The following CCSER1 variants were observed in gnomAD, a reference collection of about 807,000 sequenced individuals.
CCSER1 encodes the protein serine-rich coiled-coil domain-containing protein 1.
Under a neutral mutation model 82.0 loss-of-function variants are expected in CCSER1, and 41 were observed. That is an observed-to-expected ratio of 0.50 (90% CI 0.39 to 0.65). CCSER1 has a LOEUF of 0.65. Among genes scored for constraint, CCSER1 ranks in the 30% least tolerant of loss-of-function variants. The pLI is 0.00. For synonymous variants in CCSER1, 414 were observed against 383.9 expected, an observed-to-expected ratio of 1.08 and a Z score of -0.92; for missense variants, 1,119 against 1,064.2, an observed-to-expected ratio of 1.05 and a Z score of -0.72.
chr4:91,360,544 G>T (rs746266670), intron 10 of CCSER1, among the ~76,000 whole-genome samples: 5 of 151,760 alleles, frequency 3.3e-5, no homozygotes, highest in Non-Finnish European at 5.9e-5. Context: ...CAGCCTCCTA[G>T]TAAGAGACCC....
intron 10 of CCSER1, among the ~76,000 whole-genome samples, chr4:91,441,617 T>A (rs140040683): frequency 7.2e-4 from 109 of 152,144 alleles, no homozygotes; most frequent in Non-Finnish European, 1.4e-3. Flanking sequence ...GAAGTTCTGG[T>A]CAGGGCAGTT....
At chr4:91,000,466 C>T (rs898404605) in intron 9 of CCSER1, among the ~76,000 whole-genome samples, 3 of 151,942 alleles carry the variant, frequency 2.0e-5, no homozygotes, top group Non-Finnish European at 4.4e-5. Flanking sequence ...TGAAAAATGA[C>T]ATTGGTGGTT....
At chr4:90,503,203 T>C (rs1424871897) in intron 5 of CCSER1, among the ~76,000 whole-genome samples, 1 of 152,100 alleles carries the variant, frequency 6.6e-6, no homozygotes, top group Non-Finnish European at 1.5e-5. Flanking sequence ...TATTGTTTTT[T>C]CCCAGAAGAA....
intron 10 of CCSER1, among the ~76,000 whole-genome samples, chr4:91,552,404 A>G (rs1369554905): frequency 1.3e-5 from 2 of 151,756 alleles, no homozygotes; most frequent in Non-Finnish European, 2.9e-5. Flanking sequence ...AGGAACTTAC[A>G]TTCTTGGGGC....
chr4:90,974,583 A>T (rs935101612), intron 9 of CCSER1, among the ~76,000 whole-genome samples: 1 of 151,442 alleles, frequency 6.6e-6, no homozygotes, highest in South Asian at 2.1e-4. Context: ...TCTAAATAAG[A>T]TACACAAATT....
In CCSER1 at chr4:91,187,919, A is replaced by G. The variant is rs933072400; in HGVS notation, c.2217+101925A>G. On this transcript the variant is annotated intron_variant, in intron 10 of 10. Transcript: ENST00000509176. ...AAGTAGGCAAAGGAAGGAAAATTTT[A>G]TGTAATAGATGTTTTGAATCATGAG... 2.0e-5 allele frequency among the ~76,000 whole-genome samples: 3 copies of G among 152,194 alleles called. No individual in the cohort carries two copies. The South Asian group carries it at 6.2e-4, about 32-fold the overall frequency.
intron 1 of CCSER1, among the ~76,000 whole-genome samples, chr4:90,229,088 A>G (rs891356314): frequency 6.6e-6 from 1 of 152,242 alleles, no homozygotes; most frequent in Non-Finnish European, 1.5e-5. Context: ...CTAGCAAGGC[A>G]GGCCAACATT....
At chr4:91,569,518 TG>T (rs1420426481) in intron 10 of CCSER1, among the ~76,000 whole-genome samples, 2 of 152,178 alleles carry the variant, frequency 1.3e-5, no homozygotes, top group Admixed American at 1.3e-4. Context: ...TCCACATGGC[TG>T]GGGAGGCCTC....
chr4:91,029,734 A>C (rs1740806520), intron 9 of CCSER1, among the ~76,000 whole-genome samples: 1 of 152,120 alleles, frequency 6.6e-6, no homozygotes, highest in African/African-American at 2.4e-5. Flanking sequence ...CTGTAAAGTA[A>C]AAATAATAAT....
At chr4:91,167,558 C>T (rs1732228366) in intron 10 of CCSER1, among the ~76,000 whole-genome samples, 1 of 152,134 alleles carries the variant, frequency 6.6e-6, no homozygotes. Context: ...CTGTAATATA[C>T]AACTTACTTT....
chr4:90,978,551 A>AC, intron 9 of CCSER1, among the ~76,000 whole-genome samples: 1 of 151,742 alleles, frequency 6.6e-6, no homozygotes, highest in African/African-American at 2.4e-5. Context: ...AGATTCAGGG[A>AC]ATGTGTTGAA....
chr4:90,706,598 G>A (rs1014853942), intron 6 of CCSER1, among the ~76,000 whole-genome samples: 2 of 152,184 alleles, frequency 1.3e-5, no homozygotes, highest in African/African-American at 4.8e-5. Context: ...AGATTCTGGT[G>A]AATACTACAG....
chr4:90,325,232 T>G (rs1212310256), intron 3 of CCSER1, among the ~76,000 whole-genome samples: 2 of 152,218 alleles, frequency 1.3e-5, no homozygotes, highest in African/African-American at 4.8e-5. Flanking sequence ...TTATTAAACT[T>G]ACTATAAATA....
At chr4:90,481,576 C>T (rs948471142) in intron 5 of CCSER1, among the ~76,000 whole-genome samples, 6 of 152,048 alleles carry the variant, frequency 3.9e-5, no homozygotes, top group Non-Finnish European at 8.8e-5. Flanking sequence ...GTTTTTAGCA[C>T]GAAGTGTTGT....
At chr4:90,139,453 G>A (rs905256678) in intron 1 of CCSER1, among the ~76,000 whole-genome samples, 10 of 152,110 alleles carry the variant, frequency 6.6e-5, no homozygotes, top group Admixed American at 6.6e-5. Context: ...TGTTTTTGAA[G>A]TATATATACT....
At chr4:91,305,525 G>A (rs533128599) in intron 10 of CCSER1, among the ~76,000 whole-genome samples, 1 of 152,086 alleles carries the variant, frequency 6.6e-6, no homozygotes, top group African/African-American at 2.4e-5. Context: ...CAATATTTTG[G>A]ACATTGTGTA....
At chr4:90,932,785 G>A (rs916267213) in intron 9 of CCSER1, among the ~76,000 whole-genome samples, 4 of 131,576 alleles carry the variant, frequency 3.0e-5, no homozygotes, top group African/African-American at 1.2e-4. Context: ...CCGAGATTGT[G>A]CCACTGTACT....
intron 9 of CCSER1, among the ~76,000 whole-genome samples, chr4:91,029,689 G>A (rs566136427): frequency 6.6e-6 from 1 of 151,972 alleles, no homozygotes; most frequent in Non-Finnish European, 1.5e-5. Flanking sequence ...TTCTTAAGTA[G>A]GTTACCTAAT....
intron 10 of CCSER1, among the ~76,000 whole-genome samples, chr4:91,475,576 T>G (rs1250712866): frequency 6.6e-6 from 1 of 151,890 alleles, no homozygotes; most frequent in African/African-American, 2.4e-5. Flanking sequence ...TTAGTAAAAG[T>G]TGACCCCCTG....
Sources: gnomAD v4.1 joint callset for allele counts (sites outside exome capture counted in the v4.1 genomes callset) on GRCh38, gnomAD v4.1.1 for gene constraint, MANE v1.5 for transcripts, NCBI Gene and HGNC (gene_info 2026-07-23, HGNC 2026-07-21) for gene names.